The following PAX8 variants were observed in gnomAD, a reference collection of about 807,000 sequenced individuals.
PAX8 encodes paired box protein Pax-8.
Under a neutral mutation model 52.4 loss-of-function variants are expected in PAX8, and 15 were observed. The observed-to-expected ratio is 0.29, with a 90% confidence interval of 0.19 to 0.44. PAX8 has a LOEUF of 0.44. Ranked by LOEUF, PAX8 falls within the 20% of genes least tolerant of loss-of-function variation. The probability of loss-of-function intolerance (pLI) is 1.00; values close to 1 mark genes in which losing one functional copy is unlikely to be tolerated. For missense variants in PAX8, 554 were observed against 602.5 expected (o/e 0.92, Z 0.84); for synonymous variants, 284 against 249.7 (o/e 1.14, Z -1.29).
In PAX8 at chr2:113,218,344, G is replaced by A; in HGVS notation, c.*189C>T. 2.3e-6 allele frequency: 1 copy of A among 441,414 alleles called. No homozygotes were observed. Among genetic ancestry groups the A allele is most frequent in the Non-Finnish European group, 4.0e-6 (1 of 249,704 alleles). The allele number at this position is 441,414 out of a possible 1,614,324, so 27.3% of individuals were successfully genotyped here. ...CCTCATTAAGGAGTCTTGGAGGACAGTTTGGCCTTGTCCAAGGTCATCCTG... is the reference window on the plus strand; with the variant it reads ...CCTCATTAAGGAGTCTTGGAGGACAATTTGGCCTTGTCCAAGGTCATCCTG... On this transcript the variant is annotated 3_prime_UTR_variant, in exon 12 of 12. Coordinates refer to ENST00000429538, the MANE Select transcript of PAX8 (RefSeq NM_003466.4).
At chr2:113,246,309 T>C (rs1403478536) in intron 3 of PAX8, among the ~76,000 whole-genome samples, 2 of 152,170 alleles carry the variant, frequency 1.3e-5, no homozygotes, top group East Asian at 3.8e-4. Flanking sequence ...TCTGGGGTCT[T>C]GGGGAATTAT....
intron 9 of PAX8, among the ~76,000 whole-genome samples, chr2:113,233,750 T>C (rs561527617): frequency 2.0e-5 from 3 of 152,018 alleles, no homozygotes; most frequent in Non-Finnish European, 4.4e-5. Context: ...TCTGGGCTTG[T>C]AGAGGTCTTA....
At chr2:113,247,354 A>G in intron 2 of PAX8, among the ~76,000 whole-genome samples, 1 of 152,204 alleles carries the variant, frequency 6.6e-6, no homozygotes. Context: ...GGCACAGGTG[A>G]TTTTCACCTT....
intron 2 of PAX8, chr2:113,273,865 AT>A (rs1370465717): frequency 6.6e-6 from 1 of 152,054 alleles, no homozygotes; most frequent in Non-Finnish European, 1.5e-5. Context: ...TTTATTTTTC[AT>A]TTAAAATATT....
chr2:113,251,835 C>T (rs531297113), intron 2 of PAX8, among the ~76,000 whole-genome samples: 58 of 152,312 alleles, frequency 3.8e-4, no homozygotes, highest in African/African-American at 1.3e-3. Flanking sequence ...TAGTCCTTTG[C>T]ACAAATTCCT....
chr2:113,227,149 C>A lies in PAX8; in HGVS notation c.1189+6G>T. On this transcript the variant is annotated splice_donor_region_variant and intron_variant, in intron 10 of 11. Coordinates refer to ENST00000429538, the MANE Select transcript of PAX8 (RefSeq NM_003466.4). Reference sequence around the variant, plus strand: ...GTGCTCCCCTTCCTGCCGGCCCTCTCCTTACCTGCCACCATGCCTGCGATG... The same window carrying A: ...GTGCTCCCCTTCCTGCCGGCCCTCTACTTACCTGCCACCATGCCTGCGATG... 1 of 1,585,730 alleles carries A rather than the reference C, an allele frequency of 6.3e-7. No homozygotes were observed.
intron 2 of PAX8, among the ~76,000 whole-genome samples, chr2:113,248,657 C>A (rs993866214): frequency 6.6e-6 from 1 of 152,160 alleles, no homozygotes; most frequent in Non-Finnish European, 1.5e-5. Flanking sequence ...ACTCAATTTC[C>A]CTTTAATAAA....
chr2:113,277,083 C>T (rs1374162), intron 2 of PAX8, among the ~76,000 whole-genome samples: 2 of 152,230 alleles, frequency 1.3e-5, no homozygotes, highest in Admixed American at 6.5e-5. Context: ...CCCAGGGCTC[C>T]CCAACCCCGC....
At chr2:113,221,179 T>C (rs1689253143) in intron 10 of PAX8, among the ~76,000 whole-genome samples, 2 of 152,252 alleles carry the variant, frequency 1.3e-5, no homozygotes, top group African/African-American at 4.8e-5. Context: ...TGTTGTTAAA[T>C]GTCAGAGTAG....
intron 2 of PAX8, chr2:113,275,800 C>T (rs1693758953): frequency 8.5e-5 from 13 of 152,242 alleles, no homozygotes. Flanking sequence ...AAGGAACGTT[C>T]AGCCCATCGC....
At chr2:113,258,792 T>C (rs1692450467) in intron 2 of PAX8, among the ~76,000 whole-genome samples, 1 of 152,176 alleles carries the variant, frequency 6.6e-6, no homozygotes, top group Admixed American at 6.5e-5. Flanking sequence ...TTAATCTGGT[T>C]GGCTTCACTG....
At position 113,241,738 on chromosome 2, in the gene PAX8, C is replaced by T. The variant is rs768407126; in HGVS notation, c.602-12G>A. ...GCTATCCTGATCACCTGGTACCCCC[C>T]GGGAAGGAAGAAAGCTTTTAGGGGA... is the stretch of plus-strand genomic sequence containing the variant. On this transcript the variant is annotated splice_polypyrimidine_tract_variant and intron_variant, in intron 6 of 11. Transcript: ENST00000429538. The T allele has an allele frequency of 6.2e-7, 1 of 1,613,796 alleles. No individual in the cohort carries two copies. Among genetic ancestry groups the T allele is most frequent in the Non-Finnish European group, 8.5e-7 (1 of 1,179,896 alleles).
chr2:113,248,713 C>T (rs971200464), intron 2 of PAX8, among the ~76,000 whole-genome samples: 1 of 151,960 alleles, frequency 6.6e-6, no homozygotes, highest in Non-Finnish European at 1.5e-5. Context: ...AATCCCAGCA[C>T]TTTGGGAGGC....
At position 113,242,127 on chromosome 2, in the gene PAX8, G is replaced by A; in HGVS notation, c.482C>T (p.Pro161Leu). The A allele has an allele frequency of 1.9e-6, 3 of 1,611,652 alleles. No homozygotes were observed. Among genetic ancestry groups the A allele is most frequent in the Non-Finnish European group, 2.5e-6 (3 of 1,178,298 alleles). Residue 161 changes from proline (P) to leucine (L), a missense_variant, in exon 6 of 12, where the codon CCC becomes CTC. Transcript: ENST00000429538. ...KSLSPGHTLIPSSAVTPPESP... is the reference protein window; with the variant it reads ...KSLSPGHTLILSSAVTPPESP... ...CTCCGGGGGAGTTACAGCTGAGCTGGGGACTGCAGTGGGGGAGAGGGAGAG... is the reference window on the plus strand; with the variant it reads ...CTCCGGGGGAGTTACAGCTGAGCTGAGGACTGCAGTGGGGGAGAGGGAGAG...
chr2:113,245,261 G>T (rs1691219691), intron 3 of PAX8, among the ~76,000 whole-genome samples: 1 of 152,026 alleles, frequency 6.6e-6, no homozygotes, highest in Non-Finnish European at 1.5e-5. Flanking sequence ...GGCCTGGCTG[G>T]TCTTGAGCCC....
intron 3 of PAX8, among the ~76,000 whole-genome samples, chr2:113,246,319 T>C (rs1691318444): frequency 6.6e-6 from 1 of 152,252 alleles, no homozygotes; most frequent in Admixed American, 6.5e-5. Flanking sequence ...TGGGGAATTA[T>C]GGTTTGAGAA....
chr2:113,226,896 C>T, intron 10 of PAX8: 1 of 1,376,904 alleles, frequency 7.3e-7, no homozygotes, highest in Non-Finnish European at 9.5e-7. Context: ...TGTCTCAGCC[C>T]CTCCCTTTTC....
chr2:113,234,825 C>T (rs1690145420), intron 9 of PAX8, among the ~76,000 whole-genome samples: 1 of 152,168 alleles, frequency 6.6e-6, no homozygotes. Flanking sequence ...GTCGGTGCTT[C>T]CAGCTTTAAA....
At chr2:113,220,848 G>A (rs568807104) in intron 10 of PAX8, among the ~76,000 whole-genome samples, 2 of 152,232 alleles carry the variant, frequency 1.3e-5, no homozygotes, top group Admixed American at 1.3e-4. Flanking sequence ...TGAGTCTGCC[G>A]CTTTAAGCAA....
Sources: gnomAD v4.1 joint callset for allele counts (sites outside exome capture counted in the v4.1 genomes callset) on GRCh38, gnomAD v4.1.1 for gene constraint, MANE v1.5 for transcripts, NCBI Gene and HGNC (gene_info 2026-07-23, HGNC 2026-07-21) for gene names.